The following FRMD4A variants were observed in gnomAD, a reference collection of about 807,000 sequenced individuals.
FRMD4A encodes FERM domain containing 4A.
FRMD4A carries 29 observed loss-of-function variants against 129.1 expected under a neutral mutation model. That is an observed-to-expected ratio of 0.22 (90% CI 0.17 to 0.31). The LOEUF is 0.31. Ranked by LOEUF, FRMD4A falls within the 10% of genes least tolerant of loss-of-function variation. The pLI is 1.00. For missense variants in FRMD4A, 1,272 were observed against 1,375.8 expected, an observed-to-expected ratio of 0.92 and a Z score of 1.19; for synonymous variants, 634 against 571.6, an observed-to-expected ratio of 1.11 and a Z score of -1.56.
chr10:14,008,007 A>G, intron 2 of FRMD4A: 4 of 1,287,760 alleles, frequency 3.1e-6, no homozygotes, highest in Middle Eastern at 2.2e-4. Flanking sequence ...GAAAACAAAC[A>G]TCTTCCTGTC....
intron 3 of FRMD4A, among the ~76,000 whole-genome samples, chr10:13,836,482 G>A (rs117461076): frequency 0.037 from 5,609 of 152,160 alleles, 165 homozygotes; most frequent in Non-Finnish European, 0.058. Context: ...TGGGGGGCGC[G>A]GGGAGGAAAC....
At chr10:14,156,126 A>C (rs1840584825) in intron 2 of FRMD4A, among the ~76,000 whole-genome samples, 1 of 152,162 alleles carries the variant, frequency 6.6e-6, no homozygotes, top group Non-Finnish European at 1.5e-5. Context: ...AAAAATGGGA[A>C]ATGTCCACTC....
chr10:14,214,873 T>G (rs1589177214), intron 2 of FRMD4A, among the ~76,000 whole-genome samples: 1 of 152,192 alleles, frequency 6.6e-6, no homozygotes, highest in Non-Finnish European at 1.5e-5. Flanking sequence ...ATCTACATAA[T>G]AGCCTCCATA....
intron 2 of FRMD4A, among the ~76,000 whole-genome samples, chr10:13,938,345 G>A (rs2095264971): frequency 6.6e-6 from 1 of 152,032 alleles, no homozygotes; most frequent in Non-Finnish European, 1.5e-5. Context: ...GGGTTCAAGC[G>A]ATTCTCACAC....
intron 2 of FRMD4A, among the ~76,000 whole-genome samples, chr10:14,138,480 G>T (rs1016624595): frequency 1.3e-5 from 2 of 150,828 alleles, no homozygotes; most frequent in South Asian, 2.1e-4. Flanking sequence ...GGGGCCAAAG[G>T]CCGGACGCGG....
At chr10:14,156,382 A>G (rs941167206) in intron 2 of FRMD4A, among the ~76,000 whole-genome samples, 2 of 152,238 alleles carry the variant, frequency 1.3e-5, no homozygotes, top group African/African-American at 4.8e-5. Context: ...CACTAAAACT[A>G]TTGAGTGAAA....
In FRMD4A at chr10:13,782,087, T is replaced by C. The variant is rs184434041; in HGVS notation, c.384+835A>G. 1.7e-3 allele frequency among the ~76,000 whole-genome samples: 254 copies of C among 152,244 alleles called. 1 individual carries two copies. The highest frequency in any genetic ancestry group is 5.9e-3 in the African/African-American group (246 of 41,520). On this transcript the variant is annotated intron_variant, in intron 6 of 24. Transcript: ENST00000357447. Reference sequence around the variant, plus strand: ...CCTGTTCCCCAAAAACCTATGGAAATATAAAAATATTTTCCAAAATGGTTA... The same window carrying C: ...CCTGTTCCCCAAAAACCTATGGAAACATAAAAATATTTTCCAAAATGGTTA...
chr10:14,330,204 A>G (rs1221650628), intron 1 of FRMD4A, 21 bp from the exon 2 acceptor site: 1 of 1,224,808 alleles, frequency 8.2e-7, no homozygotes, highest in Non-Finnish European at 1.2e-6. Flanking sequence ...AGCAGCCAAA[A>G]TCCAGACTTA....
intron 12 of FRMD4A, among the ~76,000 whole-genome samples, chr10:13,722,018 C>T (rs2089452652): frequency 6.6e-6 from 1 of 152,126 alleles, no homozygotes; most frequent in African/African-American, 2.4e-5. Flanking sequence ...TGTTCAAAGG[C>T]CAGAGAAGAG....
At chr10:14,048,092 TGGA>T (rs750379287) in intron 2 of FRMD4A, among the ~76,000 whole-genome samples, 2 of 152,212 alleles carry the variant, frequency 1.3e-5, no homozygotes, top group East Asian at 1.9e-4. Flanking sequence ...AGAGATCTTG[TGGA>T]GGAGAAGAAA....
intron 5 of FRMD4A, among the ~76,000 whole-genome samples, chr10:13,784,716 C>T (rs11258611): frequency 0.3 from 46,168 of 151,988 alleles, 7,383 homozygotes; most frequent in Middle Eastern, 0.39. Context: ...TGGCCAGGCG[C>T]GGTGGCTCAC....
chr10:13,971,636 A>G (rs900228216), intron 2 of FRMD4A: 1 of 1,275,006 alleles, frequency 7.8e-7, no homozygotes, highest in Non-Finnish European at 1.0e-6. Flanking sequence ...AAGAAACGAA[A>G]GAGGAGCTTC....
intron 12 of FRMD4A, chr10:13,707,853 C>A: frequency 1.0e-6 from 1 of 985,146 alleles, no homozygotes; most frequent in Non-Finnish European, 1.2e-6. Context: ...AATGAAGGGG[C>A]CCTGGCGGTC....
chr10:14,033,702 T>C (rs933159662), intron 2 of FRMD4A, among the ~76,000 whole-genome samples: 18 of 152,092 alleles, frequency 1.2e-4, no homozygotes, highest in Admixed American at 2.6e-4. Flanking sequence ...GGAGAATCTC[T>C]TGAACCCAGG....
intron 2 of FRMD4A, among the ~76,000 whole-genome samples, chr10:14,287,330 C>T (rs1845713508): frequency 6.6e-6 from 1 of 152,170 alleles, no homozygotes; most frequent in Non-Finnish European, 1.5e-5. Context: ...CTGCAAGTTC[C>T]CTAAGGGAAG....
chr10:14,250,055 G>C (rs1257728651), intron 2 of FRMD4A, among the ~76,000 whole-genome samples: 1 of 152,054 alleles, frequency 6.6e-6, no homozygotes, highest in Non-Finnish European at 1.5e-5. Flanking sequence ...CACCTCCCGG[G>C]TTCAAGTGAA....
intron 2 of FRMD4A, among the ~76,000 whole-genome samples, chr10:13,909,270 T>C: frequency 6.6e-6 from 1 of 152,254 alleles, no homozygotes; most frequent in East Asian, 1.9e-4. Flanking sequence ...ACATGTCTCC[T>C]TTGTAGTGTG....
intron 6 of FRMD4A, among the ~76,000 whole-genome samples, chr10:13,768,626 T>C (rs2092360745): frequency 6.6e-6 from 1 of 152,204 alleles, no homozygotes; most frequent in African/African-American, 2.4e-5. Context: ...ACGTTTATTC[T>C]TACCCACAAA....
rs143922348 is a variant in FRMD4A, at chr10:14,098,653, C to T, written c.45+231405G>A. ...TCAATCTCCTGACCCCGTGATCCGCCCGCCTCGACCTCCCAAAGTGCTGGG... is the reference window on the plus strand; with the variant it reads ...TCAATCTCCTGACCCCGTGATCCGCTCGCCTCGACCTCCCAAAGTGCTGGG... On this transcript the variant is annotated intron_variant, in intron 2 of 24. Transcript: ENST00000357447. Among the ~76,000 whole-genome samples the T allele has an allele frequency of 6.3e-3, 955 of 152,206 alleles. 10 individuals carry two copies. The highest frequency in any genetic ancestry group is 0.022 in the African/African-American group (896 of 41,512).
Sources: allele counts gnomAD v4.1 joint callset (sites outside exome capture counted in the v4.1 genomes callset), GRCh38; gene constraint gnomAD v4.1.1; transcripts MANE v1.5; gene names NCBI Gene and HGNC (gene_info 2026-07-23, HGNC 2026-07-21).